Variants in WDR72 observed in about 807,000 individuals in gnomAD.
The protein encoded by WDR72 is WD repeat-containing protein 72.
Under a neutral mutation model 124.2 loss-of-function variants are expected in WDR72, and 120 were observed. The observed-to-expected ratio is 0.97, with a 90% CI of 0.83 to 1.12. WDR72 has a LOEUF of 1.12. Among genes scored for constraint, WDR72 ranks in the 50% most tolerant of loss-of-function variants. The pLI is 0.00. For missense variants in WDR72, 1,387 were observed against 1,278.8 expected (o/e 1.08, Z -1.29); for synonymous variants, 452 against 441.7 (o/e 1.02, Z -0.29).
intron 18 of WDR72, among the ~76,000 whole-genome samples, chr15:53,594,778 C>G (rs983073890): frequency 6.6e-6 from 1 of 151,658 alleles, no homozygotes; most frequent in African/African-American, 2.4e-5. Context: ...GTCGACAGAG[C>G]CTGCACCCCC....
Position 53,691,037 on chromosome 15 carries a change from A to G in WDR72, c.1765+8713T>C, listed in dbSNP as rs147005340. Among the ~76,000 whole-genome samples, 531 of 152,142 alleles carry G rather than the reference A, an allele frequency of 3.5e-3. 4 individuals are homozygous for G. The highest frequency in any genetic ancestry group is 0.012 in the African/African-American group (494 of 41,480). On this transcript the variant is annotated intron_variant, in intron 13 of 19. Coordinates refer to ENST00000360509, the MANE Select transcript of WDR72 (RefSeq NM_182758.4). ...GTATTTCATTATAACTTTGATTTGC[A>G]TTTCCCTGAAGAATAATGATGTTGA...
intron 2 of WDR72, 88 bp downstream of exon 2, chr15:53,732,909 A>G: frequency 6.7e-7 from 1 of 1,500,654 alleles, no homozygotes; most frequent in Non-Finnish European, 9.3e-7. Flanking sequence ...CAATCATGCA[A>G]ACCTTCCACT....
At position 53,686,849 on chromosome 15, in the gene WDR72, A is replaced by G. The variant is rs959471599; in HGVS notation, c.1765+12901T>C. Among the ~76,000 whole-genome samples the G allele has an allele frequency of 4.0e-5, 6 of 151,846 alleles. No individual in the cohort carries two copies. In the South Asian group the frequency reaches 6.3e-4, roughly 16 times the overall value. On this transcript the variant is annotated intron_variant, in intron 13 of 19. Coordinates refer to ENST00000360509, the MANE Select transcript of WDR72 (RefSeq NM_182758.4). ...CAGCAAATGTAAAAGAACAGAAATTATAACAAACTGTCTCTCAGACCACAG... is the reference window on the plus strand; with the variant it reads ...CAGCAAATGTAAAAGAACAGAAATTGTAACAAACTGTCTCTCAGACCACAG...
intron 1 of WDR72, among the ~76,000 whole-genome samples, chr15:53,738,689 G>A (rs996983809): frequency 2.0e-5 from 3 of 151,942 alleles, no homozygotes; most frequent in Admixed American, 6.6e-5. Context: ...CTCCACTCCC[G>A]GGTTCAAGGG....
At chr15:53,556,759 T>C (rs529817682) in intron 18 of WDR72, among the ~76,000 whole-genome samples, 2 of 152,274 alleles carry the variant, frequency 1.3e-5, no homozygotes, top group East Asian at 1.9e-4. Context: ...ACTGCTATTA[T>C]AGGCTTTCTA....
At position 53,710,973 on chromosome 15, in the gene WDR72, A is replaced by G; in HGVS notation, c.858-20T>C. ...AGCCCACTGCGTGGCAAAAATAAAA[A>G]GCAAAGTTTAGAACTTTGAGGTTCT... is the stretch of plus-strand genomic sequence containing the variant. On this transcript the variant is annotated intron_variant, in intron 8 of 19. Transcript: ENST00000360509. The G allele has an allele frequency of 1.9e-6, 3 of 1,601,664 alleles. No homozygotes were observed. Among genetic ancestry groups the G allele is most frequent in the Non-Finnish European group, 2.6e-6 (3 of 1,170,428 alleles).
chr15:53,686,413 A>G (rs2016626662), intron 13 of WDR72, among the ~76,000 whole-genome samples: 1 of 150,162 alleles, frequency 6.7e-6, no homozygotes, highest in Non-Finnish European at 1.5e-5. Flanking sequence ...TTGCAATCCT[A>G]GTCTCTGATA....
In WDR72 at chr15:53,673,826, C is replaced by T. The variant is rs1294390522; in HGVS notation, c.1766-8058G>A. Among the ~76,000 whole-genome samples, 3 of 151,988 alleles carry T rather than the reference C, an allele frequency of 2.0e-5. No homozygotes were observed. In the East Asian group the frequency reaches 5.8e-4, roughly 29 times the overall value. On this transcript the variant is annotated intron_variant, in intron 13 of 19. Transcript: ENST00000360509. ...CCAACATGGCGAAACCCCGTCTCTA[C>T]TAAAAATACAAAAAATTAGCCAGGC...
chr15:53,661,389 G>A (rs990606159), intron 14 of WDR72, among the ~76,000 whole-genome samples: 2 of 152,128 alleles, frequency 1.3e-5, no homozygotes, highest in East Asian at 1.9e-4. Context: ...AGACAGGAGA[G>A]GGAGGAGCTC....
At chr15:53,595,168 C>G (rs768942389) in intron 18 of WDR72, among the ~76,000 whole-genome samples, 26 of 152,072 alleles carry the variant, frequency 1.7e-4, no homozygotes, top group Admixed American at 5.9e-4. Flanking sequence ...AGATTAACCA[C>G]AAATTTTCTT....
intron 13 of WDR72, among the ~76,000 whole-genome samples, chr15:53,688,874 T>C (rs1427737628): frequency 6.6e-6 from 1 of 151,874 alleles, no homozygotes; most frequent in Admixed American, 6.6e-5. Flanking sequence ...GAGATATAGA[T>C]CAATGGAACA....
intron 18 of WDR72, among the ~76,000 whole-genome samples, chr15:53,538,697 T>C (rs899729382): frequency 6.6e-6 from 1 of 152,156 alleles, no homozygotes; most frequent in East Asian, 1.9e-4. Flanking sequence ...TATAAAAAGT[T>C]TTTTGCTGTG....
chr15:53,701,559 TCACACACACACACACACA>T (rs58047374), intron 12 of WDR72, among the ~76,000 whole-genome samples: 1 of 120,102 alleles, frequency 8.3e-6, no homozygotes, highest in Admixed American at 9.6e-5. Flanking sequence ...TCTCTCTCTC[TCACACACACACACACACA>T]CACACACACA....
intron 18 of WDR72, among the ~76,000 whole-genome samples, chr15:53,551,995 G>A (rs1893747936): frequency 1.3e-5 from 2 of 152,086 alleles, no homozygotes; most frequent in Admixed American, 1.3e-4. Flanking sequence ...AGGAATTGAA[G>A]TGACCATTCA....
chr15:53,665,848 A>T (rs752794806), intron 13 of WDR72, 80 bp from the exon 14 acceptor site: 172 of 1,386,146 alleles, frequency 1.2e-4, no homozygotes, highest in Non-Finnish European at 1.4e-4. Context: ...ACTCTTTAGC[A>T]GAAGAATCAC....
chr15:53,606,759 A>G (rs932861864), intron 17 of WDR72, among the ~76,000 whole-genome samples: 6 of 152,130 alleles, frequency 3.9e-5, no homozygotes, highest in Non-Finnish European at 8.8e-5. Context: ...GAACAGTAAG[A>G]TCCTGAGTTC....
intron 14 of WDR72, among the ~76,000 whole-genome samples, chr15:53,649,030 T>C (rs1567004150): frequency 6.6e-6 from 1 of 152,062 alleles, no homozygotes; most frequent in Non-Finnish European, 1.5e-5. Flanking sequence ...AATAATAAAA[T>C]ATAGTTCTTT....
At chr15:53,554,829 G>A (rs146919649) in intron 18 of WDR72, among the ~76,000 whole-genome samples, 16 of 152,216 alleles carry the variant, frequency 1.1e-4, no homozygotes, top group Admixed American at 1.0e-3. Context: ...AACTCACGTA[G>A]AATATATGTA....
intron 14 of WDR72, among the ~76,000 whole-genome samples, chr15:53,630,619 C>A (rs990667649): frequency 2.0e-5 from 3 of 152,046 alleles, no homozygotes; most frequent in Admixed American, 6.6e-5. Flanking sequence ...ACATGATTAT[C>A]CTAATAGATG....
Sources: allele counts gnomAD v4.1 joint callset (sites outside exome capture counted in the v4.1 genomes callset), GRCh38; gene constraint gnomAD v4.1.1; transcripts MANE v1.5; gene names NCBI Gene and HGNC (gene_info 2026-07-23, HGNC 2026-07-21).